Variants in ANK2 observed in about 807,000 individuals in gnomAD.
ANK2 encodes the protein ankyrin 2.
ANK2 carries 83 observed loss-of-function variants against 360.5 expected under a neutral mutation model. The ratio of observed to expected loss-of-function variants is 0.23; its 90% CI spans 0.19 to 0.28. The LOEUF (loss-of-function observed/expected upper bound fraction) is 0.28. Ranked by LOEUF, ANK2 falls within the 10% of genes least tolerant of loss-of-function variation. The pLI is 1.00. For synonymous variants in ANK2, 1,740 were observed against 1,759.5 expected (o/e 0.99, Z 0.28); for missense variants, 4,201 against 4,795.7 (o/e 0.88, Z 3.66).
At chr4:112,879,377 A>G (rs1001335925) in intron 1 of ANK2, among the ~76,000 whole-genome samples, 1 of 152,144 alleles carries the variant, frequency 6.6e-6, no homozygotes, top group African/African-American at 2.4e-5. Context: ...TCTATGGAGA[A>G]GTCTATGTGT....
At chr4:113,328,771 G>A (rs145722963) in intron 26 of ANK2, among the ~76,000 whole-genome samples, 6 of 152,192 alleles carry the variant, frequency 3.9e-5, no homozygotes, top group Middle Eastern at 3.4e-3. Flanking sequence ...GGGCTCCTTC[G>A]CACCCATTTT....
intron 45 of ANK2, among the ~76,000 whole-genome samples, chr4:113,374,370 CT>C (rs2096851120): frequency 6.6e-6 from 1 of 152,196 alleles, no homozygotes; most frequent in East Asian, 1.9e-4. Flanking sequence ...TAGAAATCTA[CT>C]TTTCAGTTTC....
chr4:113,101,444 G>A (rs1454520920), intron 1 of ANK2, among the ~76,000 whole-genome samples: 1 of 152,092 alleles, frequency 6.6e-6, no homozygotes, highest in Admixed American at 6.6e-5. Context: ...CAAATTCTAG[G>A]CATTAGTGGT....
chr4:112,871,413 C>T (rs2072992508), intron 1 of ANK2, among the ~76,000 whole-genome samples: 1 of 152,128 alleles, frequency 6.6e-6, no homozygotes, highest in Non-Finnish European at 1.5e-5. Flanking sequence ...CGTGAACTTC[C>T]TTAGCTCAGG....
intron 20 of ANK2, among the ~76,000 whole-genome samples, chr4:113,290,170 TG>T (rs61092461): frequency 0.1 from 15,355 of 147,458 alleles, 805 homozygotes; most frequent in African/African-American, 0.11. Flanking sequence ...CAGTTTTTTT[TG>T]TTTTTTTTTT....
rs78977334 is a variant in ANK2, at chr4:113,012,910, T to C, written c.21+108396T>C. On this transcript the variant is annotated intron_variant, in intron 2 of 30. Transcript: ENST00000503271. ...TCCATAGATGCCTATCACTGAGATC[T>C]GTATATTTTAGAAATTGGAATGTCA... Among the ~76,000 whole-genome samples, 1,386 of 152,290 alleles carry C rather than the reference T, an allele frequency of 9.1e-3. 17 individuals carry two copies. Among genetic ancestry groups the C allele is most frequent in the Non-Finnish European group, 0.016 (1,086 of 67,988 alleles).
At chr4:113,066,487 C>G (rs2075659513) in intron 1 of ANK2, among the ~76,000 whole-genome samples, 1 of 152,102 alleles carries the variant, frequency 6.6e-6, no homozygotes, top group African/African-American at 2.4e-5. Flanking sequence ...TTCATAAAGG[C>G]AAACAAATAC....
chr4:113,162,516 A>T (rs1247329595), intron 1 of ANK2, among the ~76,000 whole-genome samples: 1 of 152,126 alleles, frequency 6.6e-6, no homozygotes, highest in African/African-American at 2.4e-5. Context: ...ATGACATTGC[A>T]CTTGCTATTC....
At chr4:113,127,136 T>A (rs1335962907) in intron 1 of ANK2, among the ~76,000 whole-genome samples, 2 of 152,148 alleles carry the variant, frequency 1.3e-5, no homozygotes, top group African/African-American at 4.8e-5. Flanking sequence ...AAATTATGCT[T>A]GTTTTATTTA....
chr4:112,983,996 C>T (rs114190796), intron 2 of ANK2, among the ~76,000 whole-genome samples: 3,138 of 152,116 alleles, frequency 0.021, 91 homozygotes, highest in African/African-American at 0.061. Context: ...TCATTCTTGA[C>T]GAAATAATAA....
Position 113,324,616 on chromosome 4 carries a change from C to G in ANK2, c.2901-5630C>G, listed in dbSNP as rs546248891. Among the ~76,000 whole-genome samples, 8 of 152,150 alleles carry G rather than the reference C, an allele frequency of 5.3e-5. No individual in the cohort carries two copies. The South Asian group carries it at 1.2e-3, about 24-fold the overall frequency. On this transcript the variant is annotated intron_variant, in intron 26 of 45. Coordinates refer to ENST00000357077, the MANE Select transcript of ANK2 (RefSeq NM_001148.6). ...TGGTGATTTTAAAAAATTTGAACCA[C>G]TTTTTTCAAAGCCATATCCAAGCAA...
chr4:113,317,637 C>T (rs2083610521), intron 24 of ANK2, 70 bp from the exon 25 acceptor site: 5 of 1,194,466 alleles, frequency 4.2e-6, no homozygotes, highest in Non-Finnish European at 6.2e-6. Flanking sequence ...TCCTGCTCGG[C>T]TCATCATTTT....
chr4:113,236,872 T>A (rs2099387979), intron 5 of ANK2, 115 bp from the exon 6 acceptor site: 1 of 1,074,554 alleles, frequency 9.3e-7, no homozygotes, highest in Non-Finnish European at 1.4e-6. Context: ...CCAGTAATAT[T>A]TTATTCTTTT....
At chr4:112,830,948 C>T (rs975975350) in intron 1 of ANK2, among the ~76,000 whole-genome samples, 10 of 152,188 alleles carry the variant, frequency 6.6e-5, no homozygotes, top group Non-Finnish European at 1.3e-4. Flanking sequence ...GCTTAGCACC[C>T]GGGCCAGCAG....
chr4:113,134,531 G>C (rs1290530468), intron 1 of ANK2, among the ~76,000 whole-genome samples: 2 of 151,758 alleles, frequency 1.3e-5, no homozygotes, highest in Non-Finnish European at 2.9e-5. Context: ...ATAATAAACT[G>C]AACTATGTTC....
intron 2 of ANK2, among the ~76,000 whole-genome samples, chr4:113,178,900 T>A (rs1052871688): frequency 7.9e-5 from 12 of 152,220 alleles, no homozygotes; most frequent in Non-Finnish European, 1.5e-4. Context: ...CTGCAGGATA[T>A]CTTTTTGAGT....
chr4:112,876,838 A>C (rs999329510), intron 1 of ANK2, among the ~76,000 whole-genome samples: 8 of 152,132 alleles, frequency 5.3e-5, no homozygotes, highest in African/African-American at 1.4e-4. Context: ...AGATACCACA[A>C]AGTCTAGGTT....
intron 1 of ANK2, among the ~76,000 whole-genome samples, chr4:113,129,644 T>C (rs960573430): frequency 6.6e-6 from 1 of 152,170 alleles, no homozygotes; most frequent in Non-Finnish European, 1.5e-5. Flanking sequence ...ATAACCAAAA[T>C]ACCAGAAAAC....
chr4:112,936,440 C>T (rs552330587), intron 2 of ANK2, among the ~76,000 whole-genome samples: 7 of 151,428 alleles, frequency 4.6e-5, no homozygotes, highest in Non-Finnish European at 8.8e-5. Context: ...CCGCCTCCGG[C>T]GTTCAAGCGA....
Sources: gnomAD v4.1 joint callset for allele counts (sites outside exome capture counted in the v4.1 genomes callset) on GRCh38, gnomAD v4.1.1 for gene constraint, MANE v1.5 for transcripts, NCBI Gene and HGNC (gene_info 2026-07-23, HGNC 2026-07-21) for gene names.